The following GRIK2 variants were observed in gnomAD, a reference collection of about 807,000 sequenced individuals.
GRIK2 encodes the protein glutamate ionotropic receptor kainate type subunit 2.
A neutral mutation model predicts 100.3 loss-of-function variants in GRIK2; 32 were observed. The ratio of observed to expected loss-of-function variants is 0.32; its 90% CI spans 0.24 to 0.43. The LOEUF is 0.43. GRIK2 is among the 20% of genes least tolerant of loss of function. GRIK2 has a pLI of 1.00. For missense variants in GRIK2, 843 were observed against 1,114.9 expected (o/e 0.76, Z 3.47); for synonymous variants, 417 against 389.4 (o/e 1.07, Z -0.83).
At chr6:101,778,591 G>A (rs773278118) in intron 7 of GRIK2, among the ~76,000 whole-genome samples, 5 of 151,906 alleles carry the variant, frequency 3.3e-5, no homozygotes, top group Non-Finnish European at 5.9e-5. Flanking sequence ...ATTCAATGGA[G>A]GTATCCAAAA....
intron 2 of GRIK2, among the ~76,000 whole-genome samples, chr6:101,423,302 G>C (rs1173091998): frequency 1.3e-5 from 2 of 152,090 alleles, no homozygotes; most frequent in Non-Finnish European, 2.9e-5. Context: ...ATTCATGTGA[G>C]TAGGGAAGAG....
intron 7 of GRIK2, among the ~76,000 whole-genome samples, chr6:101,792,442 T>G (rs982183453): frequency 9.2e-5 from 14 of 151,642 alleles, no homozygotes; most frequent in Non-Finnish European, 1.2e-4. Context: ...GTCTGTAAAG[T>G]ATTTTATTTC....
chr6:101,647,714 G>T (rs1375346917), intron 4 of GRIK2, among the ~76,000 whole-genome samples: 1 of 151,904 alleles, frequency 6.6e-6, no homozygotes, highest in Admixed American at 6.6e-5. Context: ...AACTAAAGAT[G>T]AATAGCCTCT....
intron 7 of GRIK2, among the ~76,000 whole-genome samples, chr6:101,691,809 A>G (rs1487779645): frequency 6.6e-6 from 1 of 152,118 alleles, no homozygotes; most frequent in East Asian, 1.9e-4. Flanking sequence ...TTAAAATAAA[A>G]ATGAGCATCT....
At position 101,818,354 on chromosome 6, in the gene GRIK2, A is replaced by G; in HGVS notation, c.1204-16A>G. On this transcript the variant is annotated splice_polypyrimidine_tract_variant and intron_variant, in intron 9 of 16. Transcript: ENST00000369134. ...GCCTGATGGACAATTTACAAAGTACATATGCTATTTTATAGATTGGAACGT... is the reference window on the plus strand; with the variant it reads ...GCCTGATGGACAATTTACAAAGTACGTATGCTATTTTATAGATTGGAACGT... The G allele has an allele frequency of 7.2e-7, 1 of 1,395,654 alleles. No individual in the cohort carries two copies. Among genetic ancestry groups the G allele is most frequent in the Non-Finnish European group, 1.0e-6 (1 of 981,818 alleles). 86.5% of individuals were successfully genotyped at this position (1,395,654 alleles called of 1,614,324 possible).
chr6:101,744,554 A>ACACACATATATATATATATACGTG (rs1562351796), intron 7 of GRIK2: 5 of 114,808 alleles, frequency 4.4e-5, no homozygotes, highest in African/African-American at 1.1e-4. Flanking sequence ...ATATATATAT[A>ACACACATATATATATATATACGTG]TATATCACAA....
intron 2 of GRIK2, among the ~76,000 whole-genome samples, chr6:101,414,619 G>A (rs78515570): frequency 6.6e-6 from 1 of 152,070 alleles, no homozygotes; most frequent in African/African-American, 2.4e-5. Flanking sequence ...CAGCTCTCTA[G>A]TCTACATCTT....
At chr6:101,889,148 CTA>C (rs1287115145) in intron 11 of GRIK2, among the ~76,000 whole-genome samples, 3 of 151,974 alleles carry the variant, frequency 2.0e-5, no homozygotes, top group Non-Finnish European at 4.4e-5. Flanking sequence ...TATTTAAAGA[CTA>C]AAATCTTTTA....
intron 15 of GRIK2, among the ~76,000 whole-genome samples, chr6:102,042,952 A>T (rs1302772754): frequency 1.3e-5 from 2 of 151,654 alleles, no homozygotes; most frequent in African/African-American, 4.8e-5. Context: ...GGTTGATAAC[A>T]TTTTCTTTTT....
chr6:101,596,317 A>G (rs1380795400), intron 2 of GRIK2, among the ~76,000 whole-genome samples: 1 of 150,742 alleles, frequency 6.6e-6, no homozygotes, highest in African/African-American at 2.4e-5. Flanking sequence ...TATCTTTGCT[A>G]ACAACCATCA....
chr6:101,440,684 G>A (rs1769994442), intron 2 of GRIK2, among the ~76,000 whole-genome samples: 2 of 152,030 alleles, frequency 1.3e-5, no homozygotes, highest in Non-Finnish European at 2.9e-5. Context: ...TAATAAAATT[G>A]ATGAATGGAT....
intron 7 of GRIK2, among the ~76,000 whole-genome samples, chr6:101,777,781 C>T (rs754880182): frequency 5.9e-5 from 9 of 152,120 alleles, no homozygotes; most frequent in Non-Finnish European, 1.2e-4. Flanking sequence ...TGCCAGCTAG[C>T]ATTCGGATCT....
intron 2 of GRIK2, among the ~76,000 whole-genome samples, chr6:101,561,553 A>G (rs1266181808): frequency 6.6e-6 from 1 of 152,168 alleles, no homozygotes; most frequent in Admixed American, 6.5e-5. Context: ...TGGATATCCC[A>G]ATTACTATGA....
intron 7 of GRIK2, among the ~76,000 whole-genome samples, chr6:101,778,755 T>C (rs188945389): frequency 6.6e-6 from 1 of 152,316 alleles, no homozygotes; most frequent in African/African-American, 2.4e-5. Context: ...GTTTCTATTG[T>C]CTTCATACTT....
chr6:101,745,732 C>A (rs1776384522), intron 7 of GRIK2, among the ~76,000 whole-genome samples: 1 of 152,112 alleles, frequency 6.6e-6, no homozygotes, highest in Non-Finnish European at 1.5e-5. Flanking sequence ...GCTCTCCCTG[C>A]AGCTATATTT....
At chr6:101,545,271 T>C (rs986660369) in intron 2 of GRIK2, among the ~76,000 whole-genome samples, 1 of 152,162 alleles carries the variant, frequency 6.6e-6, no homozygotes, top group Non-Finnish European at 1.5e-5. Context: ...CTCCGAGGTG[T>C]ATAGAAAGCT....
At chr6:101,404,775 G>A (rs758028977) in intron 2 of GRIK2, among the ~76,000 whole-genome samples, 3 of 152,136 alleles carry the variant, frequency 2.0e-5, no homozygotes, top group Non-Finnish European at 1.5e-5. Flanking sequence ...AGTTATCAAA[G>A]TGTTAGAAGT....
chr6:101,430,118 C>T (rs758558532), intron 2 of GRIK2, among the ~76,000 whole-genome samples: 5 of 152,178 alleles, frequency 3.3e-5, no homozygotes, highest in South Asian at 2.1e-4. Context: ...CACCAAACCA[C>T]GGACTTTTCT....
chr6:101,559,412 C>T (rs1216624858), intron 2 of GRIK2, among the ~76,000 whole-genome samples: 1 of 152,022 alleles, frequency 6.6e-6, no homozygotes, highest in Non-Finnish European at 1.5e-5. Context: ...CATAAGTATT[C>T]CTACTCTATA....
Sources: gnomAD v4.1 joint callset for allele counts (sites outside exome capture counted in the v4.1 genomes callset) on GRCh38, gnomAD v4.1.1 for gene constraint, MANE v1.5 for transcripts, NCBI Gene and HGNC (gene_info 2026-07-23, HGNC 2026-07-21) for gene names.